Variants in BRAF observed in about 807,000 individuals in gnomAD.
The protein encoded by BRAF is B-Raf proto-oncogene, serine/threonine kinase, also known as serine/threonine-protein kinase B-raf.
In BRAF, 16 loss-of-function variants were observed where a neutral mutation model predicts 104.6. That is an observed-to-expected ratio of 0.15 (90% CI 0.10 to 0.23). The LOEUF (loss-of-function observed/expected upper bound fraction) is 0.23, where lower values mean the gene tolerates loss of function less well. BRAF is among the 10% of genes least tolerant of loss of function. The pLI, the probability that BRAF is intolerant of heterozygous loss-of-function variation, is 1.00. For synonymous variants in BRAF, 310 were observed against 341.6 expected (o/e 0.91, Z 1.02); for missense variants, 541 against 937.3 (o/e 0.58, Z 5.52).
the BRAF span, among the ~76,000 whole-genome samples, chr7:140,713,995 G>C: frequency 6.6e-6 from 1 of 152,298 alleles, no homozygotes; most frequent in South Asian, 2.1e-4. Flanking sequence ...GTACCCGGCC[G>C]TGTGAGGTGT....
Position 140,879,785 on chromosome 7 carries a change from A to G in BRAF, c.139-29573T>C, listed in dbSNP as rs552679060. ...TTGCTCTGTCGCCCAGGGTGGGAGTACAGTGGCGTGATTTTGGCTCACTGC... is the reference window on the plus strand; with the variant it reads ...TTGCTCTGTCGCCCAGGGTGGGAGTGCAGTGGCGTGATTTTGGCTCACTGC... On this transcript the variant is annotated intron_variant, in intron 1 of 19. Coordinates refer to ENST00000644969, the MANE Select transcript of BRAF (RefSeq NM_001374258.1). Among the ~76,000 whole-genome samples, 16 of 150,118 alleles carry G rather than the reference A, an allele frequency of 1.1e-4. No individual in the cohort carries two copies. In the South Asian group the frequency reaches 1.5e-3, roughly 14 times the overall value.
chr7:140,777,699 T>A (rs1270497206), intron 13 of BRAF, among the ~76,000 whole-genome samples: 3 of 152,170 alleles, frequency 2.0e-5, no homozygotes, highest in Non-Finnish European at 4.4e-5. Context: ...TCTGATAAGC[T>A]TAAAACTGGA....
At position 140,726,423 on chromosome 7, in the gene BRAF, G is replaced by T; in HGVS notation, c.*71C>A. Reference sequence around the variant, plus strand: ...AAAAAAAGATTTGAGGAACAGAACTGTGTTTTGATGTTAACAAATTGTACG... The same window carrying T: ...AAAAAAAGATTTGAGGAACAGAACTTTGTTTTGATGTTAACAAATTGTACG... On this transcript the variant is annotated 3_prime_UTR_variant, in exon 20 of 20. Transcript: ENST00000644969. The T allele has an allele frequency of 6.5e-7, 1 of 1,529,628 alleles. No homozygotes were observed. The highest frequency in any genetic ancestry group is 8.7e-7 in the Non-Finnish European group (1 of 1,145,178). The allele number at this position is 1,529,628 out of a possible 1,614,324, so 94.8% of individuals were successfully genotyped here.
At chr7:140,745,057 G>GA (rs1466218538) in intron 17 of BRAF, among the ~76,000 whole-genome samples, 1 of 151,882 alleles carries the variant, frequency 6.6e-6, no homozygotes, top group African/African-American at 2.4e-5. Flanking sequence ...AGTTTGAAGA[G>GA]AAAAAAGGAA....
rs188373742 is a variant in BRAF at position 140,723,855 on chromosome 7, G to A, written c.*2639C>T. The A allele has an allele frequency of 2.6e-5, 27 of 1,045,250 alleles. No homozygotes were observed. The highest frequency in any genetic ancestry group is 4.4e-4 in the Middle Eastern group (1 of 2,290). The allele number at this position is 1,045,250 out of a possible 1,614,324, so 64.7% of individuals were successfully genotyped here. The stretch of plus-strand genomic sequence containing the variant: ...TTTCACAAATAAGGACTTCTTCCTC[G>A]TTTTTTTAGGAGCTCAGTAAGTCTA... On this transcript the variant is annotated 3_prime_UTR_variant, in exon 20 of 20. Coordinates refer to ENST00000644969, the MANE Select transcript of BRAF (RefSeq NM_001374258.1).
intron 14 of BRAF, among the ~76,000 whole-genome samples, chr7:140,760,009 G>C (rs1798537668): frequency 6.6e-6 from 1 of 152,212 alleles, no homozygotes; most frequent in Non-Finnish European, 1.5e-5. Flanking sequence ...TCATGAAGAA[G>C]TGTGTGATCA....
intron 1 of BRAF, among the ~76,000 whole-genome samples, chr7:140,906,193 G>A (rs1034342223): frequency 4.0e-5 from 6 of 151,126 alleles, no homozygotes; most frequent in African/African-American, 9.8e-5. Context: ...CTTAGAACCC[G>A]GCCTTCGCCT....
chr7:140,767,690 C>T (rs1183054318), intron 14 of BRAF, among the ~76,000 whole-genome samples: 1 of 152,042 alleles, frequency 6.6e-6, no homozygotes, highest in South Asian at 2.1e-4. Flanking sequence ...TTGAAGTTTT[C>T]GAAGGGACTG....
chr7:140,841,056 T>A (rs952977274), intron 2 of BRAF, among the ~76,000 whole-genome samples: 2 of 151,898 alleles, frequency 1.3e-5, no homozygotes, highest in African/African-American at 4.8e-5. Flanking sequence ...ACAAACCCAG[T>A]TTTTTTAAGT....
At chr7:140,812,160 CTGTGTGTGTGTGTG>C (rs201757515) in intron 3 of BRAF, among the ~76,000 whole-genome samples, 10 of 140,628 alleles carry the variant, frequency 7.1e-5, no homozygotes, top group South Asian at 2.4e-4. Flanking sequence ...GCATGCACAC[CTGTGTGTGTGTGTG>C]TGTGTGTGTG....
At chr7:140,859,499 A>T (rs1341690762) in intron 1 of BRAF, among the ~76,000 whole-genome samples, 2 of 152,100 alleles carry the variant, frequency 1.3e-5, no homozygotes, top group Non-Finnish European at 2.9e-5. Context: ...CATTACACCA[A>T]ATGACATGTA....
At chr7:140,753,467 T>C (rs2128998711) in intron 15 of BRAF, 74 bp from the exon 15 acceptor site, 1 of 943,234 alleles carries the variant, frequency 1.1e-6, no homozygotes. Flanking sequence ...AGAGTTTAGG[T>C]AAGAGATCTA....
intron 2 of BRAF, among the ~76,000 whole-genome samples, chr7:140,838,929 T>C (rs1019384141): frequency 5.3e-5 from 8 of 152,202 alleles, no homozygotes; most frequent in South Asian, 2.1e-4. Context: ...CAGTTGTCCA[T>C]TGTGTAAATA....
chr7:140,833,716 A>T (rs1807033515), intron 3 of BRAF, among the ~76,000 whole-genome samples: 1 of 152,156 alleles, frequency 6.6e-6, no homozygotes, highest in South Asian at 2.1e-4. Context: ...TTATTTTATT[A>T]CTTTTTATTC....
intron 2 of BRAF, among the ~76,000 whole-genome samples, chr7:140,845,113 A>G (rs1808407576): frequency 6.6e-6 from 1 of 152,200 alleles, no homozygotes; most frequent in South Asian, 2.1e-4. Flanking sequence ...ACTCTTGCAT[A>G]TATAGTCAAA....
intron 17 of BRAF, chr7:140,747,279 ATTAAATAC>A (rs1797431680): frequency 1.6e-6 from 1 of 636,278 alleles, no homozygotes. Context: ...CTTCTTCTCC[ATTAAATAC>A]TTAACTTGGT....
intron 7 of BRAF, chr7:140,799,928 C>A: frequency 3.1e-6 from 1 of 323,952 alleles, no homozygotes; most frequent in South Asian, 5.0e-5. Context: ...TTTTTCAGGA[C>A]TGGTTCTGAA....
chr7:140,813,850 T>C (rs1267615), intron 3 of BRAF, among the ~76,000 whole-genome samples: 45,761 of 151,892 alleles, frequency 0.3, 10,958 homozygotes, highest in African/African-American at 0.67. Flanking sequence ...AATCCATACA[T>C]GCGTGTACAC....
At chr7:140,822,009 C>T (rs190965776) in intron 3 of BRAF, among the ~76,000 whole-genome samples, 7 of 152,048 alleles carry the variant, frequency 4.6e-5, no homozygotes, top group Admixed American at 6.5e-5. Context: ...TAACAGAAAC[C>T]GGAGGCTACT....
Sources: allele counts gnomAD v4.1 joint callset (sites outside exome capture counted in the v4.1 genomes callset), GRCh38; gene constraint gnomAD v4.1.1; transcripts MANE v1.5; gene names NCBI Gene and HGNC (gene_info 2026-07-23, HGNC 2026-07-21).